Variants in WDR72 observed in about 807,000 individuals in gnomAD.
WDR72 encodes WD repeat domain 72.
Under a neutral mutation model 124.2 loss-of-function variants are expected in WDR72, and 120 were observed. The ratio of observed to expected loss-of-function variants is 0.97; its 90% CI spans 0.83 to 1.12. WDR72 has a LOEUF of 1.12. Ranked by LOEUF, WDR72 falls within the 50% of genes most tolerant of loss-of-function variation. The pLI is 0.00. For missense variants in WDR72, 1,387 were observed against 1,278.8 expected (o/e 1.08, Z -1.29); for synonymous variants, 452 against 441.7 (o/e 1.02, Z -0.29).
chr15:53,650,747 C>T lies in WDR72; in HGVS notation c.1962+14825G>A, dbSNP rs535637002. 3.3e-4 allele frequency among the ~76,000 whole-genome samples: 50 copies of T among 152,198 alleles called. No homozygotes were observed. In the South Asian group the frequency reaches 8.3e-3, roughly 25 times the overall value. On this transcript the variant is annotated intron_variant, in intron 14 of 19. Coordinates refer to ENST00000360509, the MANE Select transcript of WDR72 (RefSeq NM_182758.4). The stretch of plus-strand genomic sequence containing the variant: ...ACTTTGGGATATAGGTCAACTAGAG[C>T]ACATATGTCACACCATGGTTTTTGC...
chr15:53,651,243 A>G (rs690205), intron 14 of WDR72, among the ~76,000 whole-genome samples: 10,371 of 152,126 alleles, frequency 0.068, 1,164 homozygotes, highest in African/African-American at 0.24. Context: ...TCTTTCTTGC[A>G]ATTCAAACAG....
intron 17 of WDR72, among the ~76,000 whole-genome samples, chr15:53,607,535 TAAATC>T (rs2013340540): frequency 1.3e-5 from 2 of 152,122 alleles, no homozygotes; most frequent in Admixed American, 6.6e-5. Flanking sequence ...ATTGAAGACT[TAAATC>T]TAAGCCATTA....
In WDR72 at chr15:53,625,761, T is replaced by C. The variant is rs961518574; in HGVS notation, c.1963-9518A>G. 1.1e-4 allele frequency among the ~76,000 whole-genome samples: 16 copies of C among 141,828 alleles called. 1 individual carries two copies. Among genetic ancestry groups the C allele is most frequent in the Admixed American group, 1.1e-3 (16 of 14,306 alleles). The allele number at this position is 141,828 out of a possible 152,430, so 93.0% of individuals were successfully genotyped here. A position where few individuals can be genotyped will look rare whatever the true frequency, so the allele number is the denominator to read the frequency against. Reference sequence around the variant, plus strand: ...CAAACTGTAAGCAATCCAAAGTACATATAAAAAGGAAAAACAGAAAGGACC... The same window carrying C: ...CAAACTGTAAGCAATCCAAAGTACACATAAAAAGGAAAAACAGAAAGGACC... On this transcript the variant is annotated intron_variant, in intron 14 of 19. Coordinates refer to ENST00000360509, the MANE Select transcript of WDR72 (RefSeq NM_182758.4).
At chr15:53,688,281 T>C (rs575653088) in intron 13 of WDR72, among the ~76,000 whole-genome samples, 1 of 149,226 alleles carries the variant, frequency 6.7e-6, no homozygotes, top group South Asian at 2.1e-4. Context: ...TTGTCCCTGT[T>C]TGCAGACGAC....
chr15:53,659,186 T>C (rs925174902), intron 14 of WDR72, among the ~76,000 whole-genome samples: 1 of 152,222 alleles, frequency 6.6e-6, no homozygotes, highest in Non-Finnish European at 1.5e-5. Context: ...TAAGCTTTCT[T>C]TGAAGAACTA....
At chr15:53,530,199 T>C (rs562124872) in intron 18 of WDR72, among the ~76,000 whole-genome samples, 1 of 151,222 alleles carries the variant, frequency 6.6e-6, no homozygotes, top group African/African-American at 2.4e-5. Flanking sequence ...ATAAGAAACA[T>C]TACTTCTTAT....
At chr15:53,626,374 G>A (rs2014208042) in intron 14 of WDR72, among the ~76,000 whole-genome samples, 1 of 152,192 alleles carries the variant, frequency 6.6e-6, no homozygotes, top group Non-Finnish European at 1.5e-5. Flanking sequence ...AGCCTGATTG[G>A]GAGCAGCAAC....
chr15:53,711,515 C>T (rs1483680543), intron 7 of WDR72, 34 bp from the exon 8 acceptor site: 2 of 1,610,378 alleles, frequency 1.2e-6, no homozygotes, highest in Non-Finnish European at 1.7e-6. Flanking sequence ...TTATCAAAGG[C>T]TTAAATCTAG....
At chr15:53,741,731 ATTT>A (rs145376508) in intron 1 of WDR72, among the ~76,000 whole-genome samples, 1 of 145,678 alleles carries the variant, frequency 6.9e-6, no homozygotes, top group Non-Finnish European at 1.5e-5. Flanking sequence ...TGTGATCCAG[ATTT>A]TTTTTTTTTT....
At chr15:53,619,650 G>A (rs1380279722) in intron 14 of WDR72, among the ~76,000 whole-genome samples, 1 of 151,866 alleles carries the variant, frequency 6.6e-6, no homozygotes, top group Non-Finnish European at 1.5e-5. Flanking sequence ...TATCCCATCC[G>A]ACTTCCTATC....
intron 14 of WDR72, among the ~76,000 whole-genome samples, chr15:53,646,474 C>T (rs976989393): frequency 6.6e-6 from 1 of 151,586 alleles, no homozygotes; most frequent in African/African-American, 2.4e-5. Context: ...GTTGTAAGAC[C>T]AAGGTAAAGG....
At chr15:53,626,651 C>T (rs2014223844) in intron 14 of WDR72, among the ~76,000 whole-genome samples, 2 of 152,180 alleles carry the variant, frequency 1.3e-5, no homozygotes, top group African/African-American at 2.4e-5. Flanking sequence ...TTGTCCTTCC[C>T]GCTGTGCTCT....
chr15:53,757,937 T>C (rs532720232), intron 1 of WDR72, among the ~76,000 whole-genome samples: 5 of 152,242 alleles, frequency 3.3e-5, no homozygotes, highest in Admixed American at 2.6e-4. Flanking sequence ...AGACCGTTAA[T>C]GGAAGATTTC....
At position 53,523,300 on chromosome 15, in the gene WDR72, A is replaced by G. The variant is rs778893809; in HGVS notation, c.3171T>C (p.His1057=). The change falls in exon 19 of 20, where the codon CAT becomes CAC. Residue 1057 remains histidine (H), a synonymous_variant. Coordinates refer to ENST00000360509, the MANE Select transcript of WDR72 (RefSeq NM_182758.4). ...AGTTTGCCGAGTTTGAGTTGCTGTCATGCTTGACCGGGCTGACTGGAGCTA... is the reference window on the plus strand; with the variant it reads ...AGTTTGCCGAGTTTGAGTTGCTGTCGTGCTTGACCGGGCTGACTGGAGCTA... ...PLQTPVSPVK[H]DSNSNSANFQ... 6.2e-7 allele frequency: 1 copy of G among 1,612,742 alleles called. No individual in the cohort carries two copies. The highest frequency in any genetic ancestry group is 8.5e-7 in the Non-Finnish European group (1 of 1,179,316).
At chr15:53,755,346 A>G (rs910013932) in intron 1 of WDR72, among the ~76,000 whole-genome samples, 1 of 152,248 alleles carries the variant, frequency 6.6e-6, no homozygotes, top group Non-Finnish European at 1.5e-5. Context: ...TAGGCATCAC[A>G]TTCATTATTT....
intron 1 of WDR72, among the ~76,000 whole-genome samples, chr15:53,748,711 T>G (rs948504345): frequency 6.6e-6 from 1 of 152,112 alleles, no homozygotes; most frequent in Non-Finnish European, 1.5e-5. Flanking sequence ...TTCCATCACT[T>G]TTTCTTATTT....
chr15:53,566,311 T>A (rs1369563667), intron 18 of WDR72, among the ~76,000 whole-genome samples: 1 of 151,964 alleles, frequency 6.6e-6, no homozygotes, highest in Non-Finnish European at 1.5e-5. Context: ...TTTTAGCCAC[T>A]ACAATACCAT....
intron 18 of WDR72, among the ~76,000 whole-genome samples, chr15:53,587,307 T>C (rs907091021): frequency 1.4e-4 from 21 of 152,042 alleles, no homozygotes; most frequent in Non-Finnish European, 1.0e-4. Context: ...CTACCTTGTA[T>C]ATTAAGGAAT....
chr15:53,553,614 A>G (rs1441840132), intron 18 of WDR72, among the ~76,000 whole-genome samples: 2 of 152,172 alleles, frequency 1.3e-5, no homozygotes, highest in Non-Finnish European at 2.9e-5. Flanking sequence ...ACTGGCAAAG[A>G]AGAAAGGAAA....
Sources: allele counts gnomAD v4.1 joint callset (sites outside exome capture counted in the v4.1 genomes callset), GRCh38; gene constraint gnomAD v4.1.1; transcripts MANE v1.5; gene names NCBI Gene and HGNC (gene_info 2026-07-23, HGNC 2026-07-21).